The following CALCR variants were observed in gnomAD, a reference collection of about 807,000 sequenced individuals.
The protein encoded by CALCR is calcitonin receptor.
In CALCR, 47 loss-of-function variants were observed where a neutral mutation model predicts 59.5. The ratio of observed to expected loss-of-function variants is 0.79; its 90% confidence interval spans 0.63 to 1.01. The LOEUF (loss-of-function observed/expected upper bound fraction) is 1.01. CALCR is among the 50% of genes least tolerant of loss of function. CALCR has a pLI of 0.00. For missense variants in CALCR, 566 were observed against 597.1 expected (o/e 0.95, Z 0.54); for synonymous variants, 213 against 211.3 (o/e 1.01, Z -0.07).
intron 7 of CALCR, 55 bp from the exon 8 acceptor site, chr7:93,461,002 G>C: frequency 7.0e-7 from 1 of 1,432,726 alleles, no homozygotes; most frequent in South Asian, 1.4e-5. Context: ...TGGAGTACCT[G>C]GAAAAAAACA....
At chr7:93,445,122 G>A (rs1222746822) in intron 8 of CALCR, among the ~76,000 whole-genome samples, 1 of 152,016 alleles carries the variant, frequency 6.6e-6, no homozygotes, top group Non-Finnish European at 1.5e-5. Context: ...TGACCAAAGT[G>A]GTACAGTGGT....
chr7:93,479,618 C>T lies in CALCR; in HGVS notation c.52-111G>A, dbSNP rs75730257. The T allele has an allele frequency of 9.0e-5, 85 of 940,864 alleles. No homozygotes were observed. The African/African-American group carries it at 9.3e-4, about 10-fold the overall frequency. 58.3% of individuals were successfully genotyped at this position (940,864 alleles called of 1,614,324 possible). ...ATTTATTTTTGCTCTCTAAGCAATACTTATTCATGGTCTCTATGTACAGTT... is the reference window on the plus strand; with the variant it reads ...ATTTATTTTTGCTCTCTAAGCAATATTTATTCATGGTCTCTATGTACAGTT... On this transcript the variant is annotated intron_variant, in intron 3 of 13. Transcript: ENST00000426151.
chr7:93,497,637 T>C (rs1801236774), intron 2 of CALCR, among the ~76,000 whole-genome samples: 1 of 151,568 alleles, frequency 6.6e-6, no homozygotes, highest in Non-Finnish European at 1.5e-5. Flanking sequence ...TATCCCTGAC[T>C]ACAACCAGCC....
chr7:93,447,523 G>A (rs955994881), intron 8 of CALCR, among the ~76,000 whole-genome samples: 14 of 151,862 alleles, frequency 9.2e-5, no homozygotes, highest in Admixed American at 7.2e-4. Context: ...GGTGGGGGTA[G>A]AGGAAGACCT....
intron 2 of CALCR, among the ~76,000 whole-genome samples, chr7:93,487,297 C>T (rs1253690785): frequency 6.6e-6 from 1 of 151,220 alleles, no homozygotes; most frequent in Non-Finnish European, 1.5e-5. Flanking sequence ...CAAGAGCAAC[C>T]CATGTCAGCT....
intron 2 of CALCR, among the ~76,000 whole-genome samples, chr7:93,568,003 T>C (rs922824754): frequency 2.0e-5 from 3 of 152,138 alleles, no homozygotes; most frequent in African/African-American, 7.2e-5. Context: ...CCATACACTA[T>C]CATAATAAAG....
intron 13 of CALCR, among the ~76,000 whole-genome samples, chr7:93,427,628 A>G (rs994791095): frequency 1.3e-5 from 2 of 152,178 alleles, no homozygotes; most frequent in Admixed American, 6.5e-5. Context: ...ATCATGGGGA[A>G]TCATTTTATC....
chr7:93,463,343 G>A (rs147032359), intron 7 of CALCR, among the ~76,000 whole-genome samples: 46 of 151,886 alleles, frequency 3.0e-4, no homozygotes, highest in African/African-American at 1.1e-3. Flanking sequence ...CAGAGAAAAT[G>A]ATAGTTTAAA....
intron 5 of CALCR, among the ~76,000 whole-genome samples, chr7:93,474,253 C>G (rs568897932): frequency 6.6e-6 from 1 of 151,474 alleles, no homozygotes; most frequent in African/African-American, 2.4e-5. Flanking sequence ...TAATATTTAT[C>G]AAGACACTAT....
In CALCR at chr7:93,460,593, G is replaced by GTGTATATATATA. The variant is rs1296016997; in HGVS notation, c.648+227_648+228insTATATATATACA. On this transcript the variant is annotated intron_variant, in intron 8 of 13. Coordinates refer to ENST00000426151, the MANE Select transcript of CALCR (RefSeq NM_001742.4). ...AAAAAATATATATATATATATATAT[G>GTGTATATATATA]TATATATATATATATATATGGTTTG... Among the ~76,000 whole-genome samples the GTGTATATATATA allele has an allele frequency of 1.3e-3, 112 of 89,358 alleles. 1 individual carries two copies. Among genetic ancestry groups the GTGTATATATATA allele is most frequent in the African/African-American group, 5.8e-3 (108 of 18,728 alleles). The allele number at this position is 89,358 out of a possible 152,430, so 58.6% of individuals were successfully genotyped here. A position where few individuals can be genotyped will look rare whatever the true frequency, so the allele number is the denominator to read the frequency against.
At chr7:93,545,079 G>C (rs1789249567) in intron 2 of CALCR, among the ~76,000 whole-genome samples, 1 of 152,030 alleles carries the variant, frequency 6.6e-6, no homozygotes, top group Non-Finnish European at 1.5e-5. Context: ...GGTTGGGCCT[G>C]CTGCATGTTA....
intron 2 of CALCR, among the ~76,000 whole-genome samples, chr7:93,558,350 C>T (rs1789659219): frequency 2.0e-5 from 3 of 151,762 alleles, no homozygotes; most frequent in Admixed American, 1.3e-4. Flanking sequence ...CTTTGTATAC[C>T]ATGGTTTGAT....
intron 5 of CALCR, among the ~76,000 whole-genome samples, chr7:93,476,543 G>A (rs73221732): frequency 6.6e-6 from 1 of 151,830 alleles, no homozygotes; most frequent in Non-Finnish European, 1.5e-5. Context: ...CAGCTGAGAG[G>A]TTTCTGTATA....
At position 93,443,623 on chromosome 7, in the gene CALCR, C is replaced by T. The variant is rs769360550; in HGVS notation, c.783G>A (p.Trp261Ter). ...ACATACCCCAGCCCAAGAGATAATA[C>T]CACCGCAAGCGTTGCTTCTCAGTAA... Reference protein sequence around the residue: ...AVFTEKQRLRWYYLLGWGFPL... With the variant: ...AVFTEKQRLR Residue 261 changes from tryptophan (W) to a stop codon, truncating the protein, a stop_gained, in exon 9 of 14, where the codon TGG (tryptophan) becomes TGA (stop). Coordinates refer to ENST00000426151, the MANE Select transcript of CALCR (RefSeq NM_001742.4). LOFTEE classifies it high-confidence loss of function. The T allele has an allele frequency of 1.2e-6, 2 of 1,613,172 alleles. No individual in the cohort carries two copies. The highest frequency in any genetic ancestry group is 2.2e-5 in the East Asian group (1 of 44,824).
intron 2 of CALCR, among the ~76,000 whole-genome samples, chr7:93,542,898 T>C (rs903365783): frequency 6.6e-6 from 1 of 152,078 alleles, no homozygotes; most frequent in African/African-American, 2.4e-5. Flanking sequence ...TCTCCAATGA[T>C]AACAATGTTG....
chr7:93,460,580 T>TATATATATAC (rs1410518740), intron 8 of CALCR, among the ~76,000 whole-genome samples: 26 of 111,980 alleles, frequency 2.3e-4, no homozygotes, highest in African/African-American at 9.6e-4. Context: ...AAAATATATA[T>TATATATATAC]ATATATATAT....
At chr7:93,441,558 GAAA>G (rs3068357) in intron 9 of CALCR, 2 of 422,410 alleles carry the variant, frequency 4.7e-6, no homozygotes, top group East Asian at 7.3e-5. Context: ...GGCTAAAAGA[GAAA>G]AAAAAAAATA....
intron 11 of CALCR, among the ~76,000 whole-genome samples, chr7:93,437,267 T>A (rs1486493244): frequency 6.6e-6 from 1 of 152,136 alleles, no homozygotes; most frequent in Non-Finnish European, 1.5e-5. Flanking sequence ...TTGCTAAAGT[T>A]TTTACTTCAT....
chr7:93,465,339 C>G (rs1384037720), intron 7 of CALCR, among the ~76,000 whole-genome samples: 1 of 151,962 alleles, frequency 6.6e-6, no homozygotes, highest in Non-Finnish European at 1.5e-5. Context: ...ACCAGTCTTC[C>G]CTAAGGGTAT....
Sources: gnomAD v4.1 joint callset for allele counts (sites outside exome capture counted in the v4.1 genomes callset) on GRCh38, gnomAD v4.1.1 for gene constraint, MANE v1.5 for transcripts, NCBI Gene and HGNC (gene_info 2026-07-23, HGNC 2026-07-21) for gene names.